The following NELFA variants were observed in gnomAD, a reference collection of about 807,000 sequenced individuals.
The protein encoded by NELFA is negative elongation factor A.
A neutral mutation model predicts 51.8 loss-of-function variants in NELFA; 35 were observed. The observed-to-expected ratio is 0.68, with a 90% CI of 0.52 to 0.90. The LOEUF (loss-of-function observed/expected upper bound fraction) is 0.90. Ranked by LOEUF, NELFA falls within the 40% of genes least tolerant of loss-of-function variation. The probability of loss-of-function intolerance (pLI) is 0.00; values close to 1 mark genes in which losing one functional copy is unlikely to be tolerated. For missense variants in NELFA, 658 were observed against 746.4 expected (o/e 0.88, Z 1.38); for synonymous variants, 417 against 338.4 (o/e 1.23, Z -2.55).
At chr4:1,990,835 C>T (rs1407483280) in intron 2 of NELFA, among the ~76,000 whole-genome samples, 1 of 152,238 alleles carries the variant, frequency 6.6e-6, no homozygotes, top group Non-Finnish European at 1.5e-5. Flanking sequence ...CATTCTCACC[C>T]TGTTACCCAG....
At chr4:1,991,128 T>G (rs1728256388) in intron 2 of NELFA, among the ~76,000 whole-genome samples, 1 of 152,200 alleles carries the variant, frequency 6.6e-6, no homozygotes, top group Admixed American at 6.5e-5. Flanking sequence ...GACTTTCAGT[T>G]CACATTTAAA....
chr4:1,991,807 C>T, intron 1 of NELFA, 92 bp from the exon 2 acceptor site: 1 of 1,372,454 alleles, frequency 7.3e-7, no homozygotes, highest in Non-Finnish European at 9.8e-7. Flanking sequence ...TGGGCAGTGG[C>T]CGGGCTCTCT....
rs372580372 is a variant in NELFA at position 1,986,413 on chromosome 4, G to A, written c.635-11C>T. The A allele has an allele frequency of 9.9e-6, 16 of 1,612,416 alleles. No homozygotes were observed. The highest frequency in any genetic ancestry group is 1.4e-5 in the Non-Finnish European group (16 of 1,179,578). The stretch of plus-strand genomic sequence containing the variant: ...TGCCTTTGAGTGGGGCTGGAGGACG[G>A]CAACAGTCAGGGCGCCAGCAGCAGT... On this transcript the variant is annotated splice_polypyrimidine_tract_variant and intron_variant, in intron 4 of 10. Coordinates refer to ENST00000382882, the MANE Select transcript of NELFA (RefSeq NM_005663.5).
In NELFA at chr4:1,986,678, G is replaced by A. The variant is rs1170859336; in HGVS notation, c.635-276C>T. On this transcript the variant is annotated intron_variant, in intron 4 of 10. Coordinates refer to ENST00000382882, the MANE Select transcript of NELFA (RefSeq NM_005663.5). The stretch of plus-strand genomic sequence containing the variant: ...CCAGGTGGAGTCTCTCACCAGTGTG[G>A]CGGGGGCTGAGCTCTGCCTCCTTCC... 9.4e-6 allele frequency: 4 copies of A among 425,328 alleles called. No individual in the cohort carries two copies. The East Asian group carries it at 1.4e-4, about 15-fold the overall frequency. 26.3% of individuals were successfully genotyped at this position (425,328 alleles called of 1,614,324 possible). A position where few individuals can be genotyped will look rare whatever the true frequency, so the allele number is the denominator to read the frequency against.
At chr4:1,999,532 T>C (rs1164566236) in intron 1 of NELFA, among the ~76,000 whole-genome samples, 1 of 151,520 alleles carries the variant, frequency 6.6e-6, no homozygotes, top group Non-Finnish European at 1.5e-5. Flanking sequence ...CCAACAAAGA[T>C]CAAAGAAGAC....
intron 1 of NELFA, among the ~76,000 whole-genome samples, chr4:1,995,606 T>C (rs889201600): frequency 1.3e-4 from 20 of 152,138 alleles, no homozygotes; most frequent in African/African-American, 3.6e-4. Flanking sequence ...TTGTAATACA[T>C]AAAGACAAAG....
chr4:1,993,733 C>G (rs1728346441), intron 1 of NELFA, among the ~76,000 whole-genome samples: 1 of 151,784 alleles, frequency 6.6e-6, no homozygotes, highest in African/African-American at 2.4e-5. Flanking sequence ...TGGTGGGGGC[C>G]CCTTCCAGCT....
intron 1 of NELFA, among the ~76,000 whole-genome samples, chr4:1,994,856 A>C (rs1325397034): frequency 1.3e-5 from 2 of 152,102 alleles, no homozygotes; most frequent in Non-Finnish European, 2.9e-5. Flanking sequence ...CTCAAAAAAA[A>C]AAAAAAAAAT....
chr4:2,006,541 G>A (rs1481920506), intron 1 of NELFA, among the ~76,000 whole-genome samples: 1 of 152,080 alleles, frequency 6.6e-6, no homozygotes, highest in African/African-American at 2.4e-5. Context: ...GGCCAAGGCA[G>A]GAGGATCACT....
intron 3 of NELFA, among the ~76,000 whole-genome samples, chr4:1,988,637 T>C (rs193156044): frequency 1.3e-5 from 2 of 152,254 alleles, no homozygotes; most frequent in African/African-American, 4.8e-5. Context: ...AGCCTTTTAT[T>C]TGGATTCTCT....
intron 4 of NELFA, among the ~76,000 whole-genome samples, chr4:1,987,207 G>T (rs2109056413): frequency 6.6e-6 from 1 of 152,302 alleles, no homozygotes; most frequent in African/African-American, 2.4e-5. Flanking sequence ...GCTGCATGGA[G>T]AGCGCCTGTA....
intron 1 of NELFA, among the ~76,000 whole-genome samples, chr4:2,000,615 C>T (rs1472011979): frequency 6.6e-6 from 1 of 152,080 alleles, no homozygotes; most frequent in Non-Finnish European, 1.5e-5. Flanking sequence ...AAGTCGAATC[C>T]CTGACTAGAC....
Position 1,989,880 on chromosome 4 carries a change from G to C in NELFA, c.383-11C>G, listed in dbSNP as rs1312489732. ...CTTCACACTCACCCACTGCCGGTAA[G>C]AACCACATGAAGTTAGGGGCGCCCA... is the stretch of plus-strand genomic sequence containing the variant. On this transcript the variant is annotated splice_polypyrimidine_tract_variant and intron_variant, in intron 2 of 10. Coordinates refer to ENST00000382882, the MANE Select transcript of NELFA (RefSeq NM_005663.5). The surrounding 1 kb of genome is among the most constrained non-coding windows in gnomAD (Gnocchi z 4.8). 4 of 1,611,412 alleles carry C rather than the reference G, an allele frequency of 2.5e-6. No homozygotes were observed. Among genetic ancestry groups the C allele is most frequent in the African/African-American group, 2.7e-5 (2 of 74,814 alleles).
rs746006722 is a variant in NELFA, at chr4:1,987,925, G to C, written c.627C>G (p.Asp209Glu). 6.2e-7 allele frequency: 1 copy of C among 1,606,076 alleles called. No individual in the cohort carries two copies. The highest frequency in any genetic ancestry group is 8.5e-7 in the Non-Finnish European group (1 of 1,177,620). ...AKGRGLLRKM[D>E]TTTPLKGIPK... ...CCAGGGTGGGGGCCTTACTGGTGGTGTCCATCTTCCGCAGCAGCCCCCGGC... is the reference window on the plus strand; with the variant it reads ...CCAGGGTGGGGGCCTTACTGGTGGTCTCCATCTTCCGCAGCAGCCCCCGGC... Residue 209 changes from aspartate (D) to glutamate (E), a missense_variant, in exon 4 of 11, where the codon GAC (aspartate) becomes GAG (glutamate). Physicochemically the swap from Asp to Glu is conservative, Grantham distance 45. Around this residue, in one of 3 missense-constraint regions of NELFA, gnomAD observed 371 missense variants for 448.3 expected, o/e 0.83. Transcript: ENST00000382882.
intron 1 of NELFA, among the ~76,000 whole-genome samples, 195 bp downstream of exon 1, chr4:2,008,555 C>CAGGGGG (rs1224283901): frequency 7.5e-6 from 1 of 132,504 alleles, no homozygotes; most frequent in Admixed American, 7.8e-5. Context: ...GATGAGGACC[C>CAGGGGG]AGGGGGAGGT....
chr4:1,986,701 T>C, intron 4 of NELFA: 8 of 368,912 alleles, frequency 2.2e-5, no homozygotes, highest in Non-Finnish European at 4.1e-5. Context: ...TCTGCCTCCT[T>C]CCTGTGCCTC....
intron 10 of NELFA, 38 bp downstream of exon 10, chr4:1,983,558 G>A (rs754505964): frequency 1.9e-5 from 30 of 1,612,216 alleles, no homozygotes; most frequent in Non-Finnish European, 2.2e-5. Flanking sequence ...CCCCCAACCC[G>A]GCCCGGTGCA....
At chr4:1,993,371 G>T (rs1365607050) in intron 1 of NELFA, among the ~76,000 whole-genome samples, 1 of 152,110 alleles carries the variant, frequency 6.6e-6, no homozygotes, top group Non-Finnish European at 1.5e-5. Flanking sequence ...CACGAGGTCA[G>T]GAGTTGGGGA....
rs1727926111 is a variant in NELFA at position 1,982,831 on chromosome 4, TCCCAGGCAGG to T, written c.*478_*487del. 1 of 153,742 alleles carries T rather than the reference TCCCAGGCAGG, an allele frequency of 6.5e-6. No homozygotes were observed. The highest frequency in any genetic ancestry group is 2.4e-5 in the African/African-American group (1 of 41,428). The allele number at this position is 153,742 out of a possible 1,614,324, so 9.5% of individuals were successfully genotyped here. A position where few individuals can be genotyped will look rare whatever the true frequency, so the allele number is the denominator to read the frequency against. ...ACTATACAAAAGATGAATACAAAAC[TCCCAGGCAGG>T]CACAGGCAGGGGACAAGGCCCACCG... is the stretch of plus-strand genomic sequence containing the variant. On this transcript the variant is annotated 3_prime_UTR_variant, in exon 11 of 11. Coordinates refer to ENST00000382882, the MANE Select transcript of NELFA (RefSeq NM_005663.5).
Sources: allele counts gnomAD v4.1 joint callset (sites outside exome capture counted in the v4.1 genomes callset), GRCh38; gene constraint gnomAD v4.1.1; regional missense constraint gnomAD v4.1.1; non-coding constraint Gnocchi (gnomAD v3.1); transcripts MANE v1.5; gene names NCBI Gene and HGNC (gene_info 2026-07-23, HGNC 2026-07-21).